Variants in KIAA0825 observed in about 807,000 individuals in gnomAD.
KIAA0825 encodes the protein uncharacterized protein KIAA0825.
Under a neutral mutation model 147.6 loss-of-function variants are expected in KIAA0825, and 119 were observed. That is an observed-to-expected ratio of 0.81 (90% CI 0.69 to 0.94). KIAA0825 has a LOEUF of 0.94. KIAA0825 is among the 40% of genes least tolerant of loss of function. The pLI, the probability that KIAA0825 is intolerant of heterozygous loss-of-function variation, is 0.00. For synonymous variants in KIAA0825, 470 were observed against 518.1 expected, an observed-to-expected ratio of 0.91 and a Z score of 1.26; for missense variants, 1,381 against 1,472.7, an observed-to-expected ratio of 0.94 and a Z score of 1.02.
chr5:94,321,688 G>C (rs369075379), intron 20 of KIAA0825, among the ~76,000 whole-genome samples: 6 of 151,898 alleles, frequency 4.0e-5, no homozygotes, highest in Non-Finnish European at 5.9e-5. Context: ...TCCTCATACT[G>C]TACATTGAGG....
Position 94,484,793 on chromosome 5 carries a change from G to A in KIAA0825, c.1108C>T (p.Leu370Phe). The A allele has an allele frequency of 6.7e-7, 1 of 1,495,300 alleles. No individual in the cohort carries two copies. The highest frequency in any genetic ancestry group is 9.0e-7 in the Non-Finnish European group (1 of 1,110,830). The allele number at this position is 1,495,300 out of a possible 1,614,324, so 92.6% of individuals were successfully genotyped here. Reference protein sequence around the residue: ...QELFDEILLSLKITRDTSGIL... With the variant: ...QELFDEILLSFKITRDTSGIL... ...CCTGAAGTATCCCTGGTTATCTTGA[G>A]TGATAAAAGTATTTCGTCAAACAAT... is the stretch of plus-strand genomic sequence containing the variant. The change falls in exon 6 of 21, where the codon CTC becomes TTC. Residue 370 changes from leucine to phenylalanine, a missense_variant. Leu to Phe is a conservative substitution (Grantham distance 22). Coordinates refer to ENST00000682413, the MANE Select transcript of KIAA0825 (RefSeq NM_001145678.3).
Position 94,439,367 on chromosome 5 carries a change from A to G in KIAA0825, c.2497+615T>C, listed in dbSNP as rs147809622. ...TGAAGTGGGACAGCAGTGAGATGTA[A>G]TATTATACTGACATAACATTACTTA... On this transcript the variant is annotated intron_variant, in intron 14 of 20. Transcript: ENST00000682413. Among the ~76,000 whole-genome samples, 164 of 152,258 alleles carry G rather than the reference A, an allele frequency of 1.1e-3. 1 individual carries two copies. Among genetic ancestry groups the G allele is most frequent in the African/African-American group, 3.9e-3 (160 of 41,548 alleles).
At chr5:94,200,240 C>A (rs1771541862) in intron 20 of KIAA0825, among the ~76,000 whole-genome samples, 1 of 152,146 alleles carries the variant, frequency 6.6e-6, no homozygotes, top group Non-Finnish European at 1.5e-5. Context: ...TCCTGGAGAT[C>A]CGTGATAAGA....
chr5:94,198,299 C>G (rs1771331967), intron 20 of KIAA0825, among the ~76,000 whole-genome samples: 2 of 152,010 alleles, frequency 1.3e-5, no homozygotes, highest in African/African-American at 4.8e-5. Context: ...GATTTTTGGA[C>G]TTTGATTTTG....
chr5:94,434,235 A>T (rs781390150), intron 14 of KIAA0825, among the ~76,000 whole-genome samples: 3 of 152,246 alleles, frequency 2.0e-5, no homozygotes, highest in Admixed American at 6.5e-5. Context: ...CAATGTAATC[A>T]TTCCTTCAAA....
At chr5:94,411,573 C>T (rs930210761) in intron 15 of KIAA0825, among the ~76,000 whole-genome samples, 1 of 152,038 alleles carries the variant, frequency 6.6e-6, no homozygotes, top group Non-Finnish European at 1.5e-5. Flanking sequence ...ATAAAATTGC[C>T]AAAAGAAATA....
At chr5:94,455,389 G>A (rs1758970769) in intron 12 of KIAA0825, among the ~76,000 whole-genome samples, 1 of 152,204 alleles carries the variant, frequency 6.6e-6, no homozygotes, top group African/African-American at 2.4e-5. Context: ...AATCAGGTAT[G>A]TATGGAGGAC....
chr5:94,336,391 C>G (rs1781795078), intron 20 of KIAA0825, among the ~76,000 whole-genome samples: 1 of 151,826 alleles, frequency 6.6e-6, no homozygotes, highest in Admixed American at 6.6e-5. Context: ...CATATTTCTC[C>G]TAATGCTATC....
intron 20 of KIAA0825, among the ~76,000 whole-genome samples, chr5:94,320,998 T>C (rs2150244211): frequency 6.6e-6 from 1 of 152,194 alleles, no homozygotes. Context: ...TTTACTCTTA[T>C]ATTTTTAAAA....
At chr5:94,373,813 CTA>C (rs1747113161) in intron 20 of KIAA0825, among the ~76,000 whole-genome samples, 1 of 152,012 alleles carries the variant, frequency 6.6e-6, no homozygotes, top group Admixed American at 6.6e-5. Flanking sequence ...TAATATATAA[CTA>C]TATTTAGATA....
intron 3 of KIAA0825, among the ~76,000 whole-genome samples, chr5:94,536,145 A>G (rs1771962308): frequency 6.6e-6 from 1 of 152,224 alleles, no homozygotes; most frequent in Non-Finnish European, 1.5e-5. Context: ...TAATTCTCCA[A>G]CAATATGCTA....
At chr5:94,388,366 A>G (rs1749458912) in intron 18 of KIAA0825, among the ~76,000 whole-genome samples, 1 of 152,186 alleles carries the variant, frequency 6.6e-6, no homozygotes, top group African/African-American at 2.4e-5. Context: ...GTTGTAGAGC[A>G]TATCTTTTTA....
chr5:94,495,440 C>T (rs1764243768), intron 5 of KIAA0825, among the ~76,000 whole-genome samples: 1 of 152,184 alleles, frequency 6.6e-6, no homozygotes, highest in African/African-American at 2.4e-5. Flanking sequence ...CTACAAAAAG[C>T]ATCTTTAAGT....
intron 20 of KIAA0825, among the ~76,000 whole-genome samples, chr5:94,336,622 T>C (rs1781829843): frequency 1.3e-5 from 2 of 152,188 alleles, no homozygotes; most frequent in East Asian, 3.8e-4. Flanking sequence ...TAGTATTCCA[T>C]GGTGTATATG....
rs749952108 is a variant in KIAA0825, at chr5:94,520,664, G to T, written c.554C>A (p.Ser185Ter). The change falls in exon 5 of 21, where the codon TCA (serine) becomes TAA (stop). Residue 185 changes from serine to a stop codon, truncating the protein, a stop_gained. Transcript: ENST00000682413. LOFTEE classifies it high-confidence loss of function. ...CTTTTTCAATAAAATTTTTTGCTGT[G>T]AATTGTTTATTTCATTATGGCTTTG... is the stretch of plus-strand genomic sequence containing the variant. The part of the protein sequence containing the change: ...KLQSHNEINN[S>*]QQKILLKKQC... The T allele has an allele frequency of 1.2e-6, 2 of 1,613,314 alleles. No homozygotes were observed. Among genetic ancestry groups the T allele is most frequent in the Non-Finnish European group, 1.7e-6 (2 of 1,179,458 alleles).
chr5:94,372,876 G>C (rs1373459143), intron 20 of KIAA0825, among the ~76,000 whole-genome samples: 1 of 152,104 alleles, frequency 6.6e-6, no homozygotes, highest in Non-Finnish European at 1.5e-5. Context: ...GCTTCCGCTT[G>C]AATGCTTTGC....
chr5:94,204,153 A>C (rs1334714753), intron 20 of KIAA0825, among the ~76,000 whole-genome samples: 1 of 152,278 alleles, frequency 6.6e-6, no homozygotes, highest in Non-Finnish European at 1.5e-5. Flanking sequence ...GGGAAATGGG[A>C]GTTATTCAAA....
intron 20 of KIAA0825, among the ~76,000 whole-genome samples, chr5:94,171,451 G>A (rs1384551849): frequency 6.6e-6 from 1 of 152,046 alleles, no homozygotes; most frequent in Non-Finnish European, 1.5e-5. Flanking sequence ...TTGAATTTTT[G>A]TAAAATAACT....
intron 1 of KIAA0825, among the ~76,000 whole-genome samples, chr5:94,606,442 A>T (rs985462835): frequency 1.3e-5 from 2 of 152,210 alleles, no homozygotes; most frequent in Non-Finnish European, 2.9e-5. Flanking sequence ...GAGCCTGAAT[A>T]ACCAAGGTAA....
Sources: allele counts gnomAD v4.1 joint callset (sites outside exome capture counted in the v4.1 genomes callset), GRCh38; gene constraint gnomAD v4.1.1; transcripts MANE v1.5; gene names NCBI Gene and HGNC (gene_info 2026-07-23, HGNC 2026-07-21).